Variants in ITGA6 observed in about 807,000 individuals in gnomAD.
The protein encoded by ITGA6 is integrin subunit alpha 6.
In ITGA6, 63 loss-of-function variants were observed where a neutral mutation model predicts 133.6. That is an observed-to-expected ratio of 0.47 (90% CI 0.38 to 0.58). The LOEUF is 0.58. ITGA6 is among the 20% of genes least tolerant of loss of function. ITGA6 has a pLI of 0.00. For missense variants in ITGA6, 1,068 were observed against 1,309.4 expected, an observed-to-expected ratio of 0.82 and a Z score of 2.85; for synonymous variants, 434 against 482.0, an observed-to-expected ratio of 0.90 and a Z score of 1.30.
intron 4 of ITGA6, 118 bp from the exon 5 acceptor site, chr2:172,470,856 T>G: frequency 1.0e-6 from 1 of 981,254 alleles, no homozygotes; most frequent in Non-Finnish European, 1.5e-6. Context: ...TTCCTTTTTT[T>G]CCTCCAAATT....
intron 1 of ITGA6, among the ~76,000 whole-genome samples, chr2:172,449,165 A>G (rs1349180722): frequency 6.6e-6 from 1 of 152,226 alleles, no homozygotes; most frequent in Non-Finnish European, 1.5e-5. Flanking sequence ...AATGCTGCAC[A>G]GTGGGAAGGG....
chr2:172,472,021 C>T (rs1014802263), intron 5 of ITGA6, among the ~76,000 whole-genome samples: 10 of 152,274 alleles, frequency 6.6e-5, no homozygotes, highest in African/African-American at 2.4e-4. Flanking sequence ...CTAGTAAACA[C>T]GCACTAATAA....
upstream of ITGA6, chr2:172,427,547 C>T (rs1011758741): frequency 3.4e-6 from 4 of 1,183,386 alleles, no homozygotes; most frequent in African/African-American, 3.5e-5. Flanking sequence ...GGCCGGCGTC[C>T]TCGTCACTTG....
At chr2:172,492,950 C>G (rs55725007) in intron 23 of ITGA6, among the ~76,000 whole-genome samples, 2,922 of 152,136 alleles carry the variant, frequency 0.019, 68 homozygotes, top group African/African-American at 0.051. Flanking sequence ...GCTCTGTTAC[C>G]CAGGCTGGAG....
At chr2:172,504,045 CT>C in intron 25 of ITGA6, 45 bp from the exon 26 acceptor site, 2 of 1,468,622 alleles carry the variant, frequency 1.4e-6, no homozygotes, top group Non-Finnish European at 1.8e-6. Context: ...GTATTTGCTT[CT>C]TTGTGAGATT....
At chr2:172,471,650 G>A (rs1685942573) in intron 5 of ITGA6, among the ~76,000 whole-genome samples, 1 of 152,168 alleles carries the variant, frequency 6.6e-6, no homozygotes, top group African/African-American at 2.4e-5. Flanking sequence ...GCTTCCCAGC[G>A]GAGGTTGAGC....
rs1339377313 is a variant in ITGA6 at position 172,481,221 on chromosome 2, C to G, written c.1549+1170C>G. On this transcript the variant is annotated intron_variant, in intron 11 of 25. Coordinates refer to ENST00000684293, the MANE Select transcript of ITGA6 (RefSeq NM_000210.4). ...TCCTCTGAAGTGTTCTCCCTGTTAT[C>G]TAAAGTAGTAGTTTTCTTTATTTAA... is the stretch of plus-strand genomic sequence containing the variant. Among the ~76,000 whole-genome samples, 6 of 152,256 alleles carry G rather than the reference C, an allele frequency of 3.9e-5. No homozygotes were observed. The East Asian group carries it at 1.2e-3, about 29-fold the overall frequency.
At chr2:172,445,267 G>A (rs2149007808) in intron 1 of ITGA6, among the ~76,000 whole-genome samples, 1 of 149,380 alleles carries the variant, frequency 6.7e-6, no homozygotes, top group African/African-American at 2.5e-5. Context: ...TGCCCGGCTG[G>A]TATTTATACT....
chr2:172,478,035 CAA>C (rs928179701), intron 9 of ITGA6, among the ~76,000 whole-genome samples: 1 of 149,084 alleles, frequency 6.7e-6, no homozygotes, highest in Non-Finnish European at 1.5e-5. Context: ...GTTTAAAAAA[CAA>C]AATATGTTCT....
intron 1 of ITGA6, among the ~76,000 whole-genome samples, chr2:172,445,976 C>T (rs1447041095): frequency 6.6e-6 from 1 of 152,240 alleles, no homozygotes; most frequent in Non-Finnish European, 1.5e-5. Context: ...GTGGCACATC[C>T]AGCTAAAGAG....
At chr2:172,480,261 T>C (rs1686376430) in intron 11 of ITGA6, among the ~76,000 whole-genome samples, 1 of 152,054 alleles carries the variant, frequency 6.6e-6, no homozygotes, top group Admixed American at 6.6e-5. Flanking sequence ...CCATTTGAGT[T>C]TTCCAGAGCA....
intron 1 of ITGA6, among the ~76,000 whole-genome samples, chr2:172,442,708 A>G (rs1684593845): frequency 6.6e-6 from 1 of 152,186 alleles, no homozygotes; most frequent in Non-Finnish European, 1.5e-5. Flanking sequence ...CCTGGCGCAC[A>G]GTAGGTACGT....
intron 1 of ITGA6, among the ~76,000 whole-genome samples, chr2:172,430,774 A>G (rs1574306993): frequency 6.6e-6 from 1 of 152,324 alleles, no homozygotes; most frequent in Admixed American, 6.5e-5. Flanking sequence ...TCGGACTCCA[A>G]AAGATTACTC....
intron 1 of ITGA6, among the ~76,000 whole-genome samples, chr2:172,443,590 C>T (rs7604404): frequency 2.6e-5 from 4 of 151,984 alleles, no homozygotes; most frequent in Non-Finnish European, 4.4e-5. Flanking sequence ...TTTCAACAAT[C>T]GAGTTTCCAG....
intron 1 of ITGA6, among the ~76,000 whole-genome samples, chr2:172,433,463 A>G (rs1020701251): frequency 6.6e-6 from 1 of 152,188 alleles, no homozygotes; most frequent in African/African-American, 2.4e-5. Context: ...GCCATTGACT[A>G]GCTATGATTT....
chr2:172,462,045 C>T (rs1685446256), intron 1 of ITGA6, among the ~76,000 whole-genome samples: 1 of 152,224 alleles, frequency 6.6e-6, no homozygotes, highest in Non-Finnish European at 1.5e-5. Context: ...TTGCTTGTTT[C>T]CCAAACCAGG....
intron 11 of ITGA6, among the ~76,000 whole-genome samples, chr2:172,483,899 C>T (rs1036953206): frequency 6.6e-6 from 1 of 152,196 alleles, no homozygotes; most frequent in African/African-American, 2.4e-5. Flanking sequence ...TAACCTCTGC[C>T]TCCTGGGTTC....
Position 172,504,021 on chromosome 2 carries a change from C to T in ITGA6, c.*23-70C>T. 4.9e-6 allele frequency: 6 copies of T among 1,214,528 alleles called. No individual in the cohort carries two copies. The South Asian group carries it at 7.7e-5, about 16-fold the overall frequency. The allele number at this position is 1,214,528 out of a possible 1,614,324, so 75.2% of individuals were successfully genotyped here. ...GACATAGCTGAACAGAAAGCTTAGA[C>T]ATTCCCATTTAGTGTATTTGCTTCT... On this transcript the variant is annotated intron_variant, in intron 25 of 25. Coordinates refer to ENST00000684293, the MANE Select transcript of ITGA6 (RefSeq NM_000210.4).
intron 11 of ITGA6, among the ~76,000 whole-genome samples, chr2:172,481,473 G>A (rs1034429839): frequency 1.3e-5 from 2 of 152,166 alleles, no homozygotes; most frequent in African/African-American, 4.8e-5. Context: ...TGAAGATACT[G>A]ACCTGTGATA....
Sources: gnomAD v4.1 joint callset for allele counts (sites outside exome capture counted in the v4.1 genomes callset) on GRCh38, gnomAD v4.1.1 for gene constraint, MANE v1.5 for transcripts, NCBI Gene and HGNC (gene_info 2026-07-23, HGNC 2026-07-21) for gene names.